Variants in NLRC5 observed in about 807,000 individuals in gnomAD.
The protein encoded by NLRC5 is protein NLRC5.
Under a neutral mutation model 206.9 loss-of-function variants are expected in NLRC5, and 114 were observed. That is an observed-to-expected ratio of 0.55 (90% confidence interval 0.47 to 0.64). The LOEUF (loss-of-function observed/expected upper bound fraction) is 0.64. Ranked by LOEUF, NLRC5 falls within the 30% of genes least tolerant of loss-of-function variation. NLRC5 has a pLI of 0.00. For missense variants in NLRC5, 2,008 were observed against 2,305.5 expected, an observed-to-expected ratio of 0.87 and a Z score of 2.64; for synonymous variants, 952 against 962.8, an observed-to-expected ratio of 0.99 and a Z score of 0.21.
chr16:57,042,025 G>T lies in NLRC5; in HGVS notation c.3073G>T (p.Ala1025Ser). ...ALGDEGAARL[A>S]QLLPGLGALQ... ...GGGGGATGAAGGTGCAGCCCGGCTG[G>T]CTCAGCTGCTCCCAGGGCTGGGAGC... The change falls in exon 19 of 49, where the codon GCT (alanine) becomes TCT (serine). Residue 1025 changes from alanine to serine, a missense_variant. Coordinates refer to ENST00000688547, the MANE Select transcript of NLRC5 (RefSeq NM_001384950.1). The T allele has an allele frequency of 1.9e-6, 3 of 1,572,188 alleles. No homozygotes were observed. Among genetic ancestry groups the T allele is most frequent in the Non-Finnish European group, 2.6e-6 (3 of 1,163,052 alleles).
intron 1 of NLRC5, among the ~76,000 whole-genome samples, chr16:56,996,659 C>G: frequency 6.6e-6 from 1 of 152,090 alleles, no homozygotes. Context: ...TACACTTACC[C>G]CTAGAGGGTG....
chr16:57,031,750 T>C (rs1339183906), intron 11 of NLRC5, among the ~76,000 whole-genome samples: 3 of 147,222 alleles, frequency 2.0e-5, no homozygotes, highest in Non-Finnish European at 4.5e-5. Context: ...CTGGCATTAC[T>C]AGATGGTGAA....
At chr16:57,027,393 C>A (rs952305048) in intron 6 of NLRC5, among the ~76,000 whole-genome samples, 16 of 152,218 alleles carry the variant, frequency 1.1e-4, no homozygotes, top group African/African-American at 3.9e-4. Context: ...ATGGTCATTG[C>A]AAGAATGAGA....
At chr16:57,000,333 C>T (rs1170407073) in intron 1 of NLRC5, among the ~76,000 whole-genome samples, 2 of 152,106 alleles carry the variant, frequency 1.3e-5, no homozygotes, top group Non-Finnish European at 2.9e-5. Context: ...AAAGTTCAAG[C>T]CTTTAGCATA....
At chr16:56,996,665 G>A (rs1002268250) in intron 1 of NLRC5, among the ~76,000 whole-genome samples, 43 of 152,320 alleles carry the variant, frequency 2.8e-4, no homozygotes, top group African/African-American at 1.0e-3. Context: ...TACCCCTAGA[G>A]GGTGAGTTTG....
intron 1 of NLRC5, among the ~76,000 whole-genome samples, chr16:57,015,233 G>A (rs1199285155): frequency 6.6e-6 from 1 of 152,082 alleles, no homozygotes. Context: ...CCGGCCTCCA[G>A]CCTCTTCTTG....
chr16:57,064,991 G>A (rs1251385219), intron 32 of NLRC5, among the ~76,000 whole-genome samples: 2 of 152,100 alleles, frequency 1.3e-5, no homozygotes, highest in African/African-American at 4.8e-5. Context: ...AATATTTTCT[G>A]TTTGGATTGT....
chr16:57,056,474 G>A (rs773096071), intron 27 of NLRC5, among the ~76,000 whole-genome samples: 9 of 152,036 alleles, frequency 5.9e-5, no homozygotes, highest in African/African-American at 1.9e-4. Flanking sequence ...AGTTTTGTAA[G>A]AGATGAAGTC....
intron 25 of NLRC5, 21 bp from the exon 26 acceptor site, chr16:57,055,011 C>T: frequency 1.9e-6 from 3 of 1,614,126 alleles, no homozygotes; most frequent in Non-Finnish European, 1.7e-6. Context: ...AGCTGTCTGA[C>T]CCAGGTCCTG....
At chr16:57,056,831 G>C (rs543989853) in intron 27 of NLRC5, among the ~76,000 whole-genome samples, 4 of 151,844 alleles carry the variant, frequency 2.6e-5, no homozygotes, top group African/African-American at 9.7e-5. Context: ...GCTAATTTTG[G>C]TATTTTTAGT....
intron 21 of NLRC5, 108 bp downstream of exon 21, chr16:57,045,600 A>G: frequency 9.9e-7 from 1 of 1,006,902 alleles, no homozygotes; most frequent in Non-Finnish European, 1.6e-6. Context: ...TCTCAGTTAA[A>G]CCACCCAAGT....
At chr16:57,033,818 C>A (rs2062167824) in intron 12 of NLRC5, 149 bp downstream of exon 12, 3 of 715,678 alleles carry the variant, frequency 4.2e-6, no homozygotes, top group South Asian at 1.7e-5. Flanking sequence ...TCCTGGATAG[C>A]CCATCCTGGC....
intron 2 of NLRC5, among the ~76,000 whole-genome samples, chr16:57,020,248 T>C (rs1411493492): frequency 2.3e-5 from 3 of 133,302 alleles, no homozygotes; most frequent in Non-Finnish European, 4.7e-5. Context: ...ACAACTCACC[T>C]GTTCTCCATC....
intron 22 of NLRC5, 128 bp from the exon 23 acceptor site, chr16:57,047,417 C>CT: frequency 1.3e-6 from 1 of 771,894 alleles, no homozygotes; most frequent in Non-Finnish European, 2.2e-6. Context: ...GCGAGTGCCC[C>CT]ACAGGGGAAG....
rs762559975 is a variant in NLRC5 at position 57,067,766 on chromosome 16, T to C, written c.4437T>C (p.Asp1479=). 34 of 1,614,250 alleles carry C rather than the reference T, an allele frequency of 2.1e-5. No homozygotes were observed. Among genetic ancestry groups the C allele is most frequent in the Non-Finnish European group, 2.9e-5 (34 of 1,180,038 alleles). Residue 1479 remains aspartate (D), a synonymous_variant, in exon 36 of 49, where the codon GAT becomes GAC. Coordinates refer to ENST00000688547, the MANE Select transcript of NLRC5 (RefSeq NM_001384950.1). Reference sequence around the variant, plus strand: ...CTCAGGTTAACCTCTGTGAGGACGATGATGCCAGTTCCCTGCTGCTGCAGA... The same window carrying C: ...CTCAGGTTAACCTCTGTGAGGACGACGATGCCAGTTCCCTGCTGCTGCAGA... ...SLSQVNLCED[D]DASSLLLQSL...
chr16:57,046,699 G>C, intron 22 of NLRC5, 58 bp downstream of exon 22: 2 of 1,419,524 alleles, frequency 1.4e-6, no homozygotes, highest in Middle Eastern at 3.5e-4. Flanking sequence ...GGCGTCAGAG[G>C]GGGCAGAGCT....
chr16:57,045,047 A>G (rs1448524342), intron 20 of NLRC5, among the ~76,000 whole-genome samples: 12 of 152,114 alleles, frequency 7.9e-5, no homozygotes. Flanking sequence ...TCTACAAAAA[A>G]TACAAAAATT....
At chr16:57,065,788 C>T (rs1490533892) in intron 33 of NLRC5, among the ~76,000 whole-genome samples, 1 of 152,230 alleles carries the variant, frequency 6.6e-6, no homozygotes, top group African/African-American at 2.4e-5. Flanking sequence ...CGGCCCTTTG[C>T]AGGGCTGGGA....
rs1480027534 is a variant in NLRC5 at position 57,026,323 on chromosome 16, G to A, written c.1380G>A (p.Leu460=). 1 of 1,613,918 alleles carries A rather than the reference G, an allele frequency of 6.2e-7. No homozygotes were observed. The highest frequency in any genetic ancestry group is 8.5e-7 in the Non-Finnish European group (1 of 1,179,988). The change falls in exon 6 of 49, where the codon CTG becomes CTA. Residue 460 remains leucine (L), a synonymous_variant. Coordinates refer to ENST00000688547, the MANE Select transcript of NLRC5 (RefSeq NM_001384950.1). ...TGCCCACCTCGTCCCTACTGGACCT[G>A]GGGGAGGTGGCCCTGAGGGGCCTGG... ...GHLPTSSLLD[L]GEVALRGLET... is the part of the protein sequence containing the mutation.
Sources: gnomAD v4.1 joint callset for allele counts (sites outside exome capture counted in the v4.1 genomes callset) on GRCh38, gnomAD v4.1.1 for gene constraint, MANE v1.5 for transcripts, NCBI Gene and HGNC (gene_info 2026-07-23, HGNC 2026-07-21) for gene names.